ACOT11: variants seen among roughly 807,000 people sequenced by gnomAD.
The protein encoded by ACOT11 is acyl-CoA thioesterase 11.
ACOT11 carries 69 observed loss-of-function variants against 77.5 expected under a neutral mutation model. The observed-to-expected ratio is 0.89, with a 90% CI of 0.73 to 1.09. ACOT11 has a LOEUF of 1.09. Ranked by LOEUF, ACOT11 falls within the 50% of genes least tolerant of loss-of-function variation. The pLI is 0.00. For synonymous variants in ACOT11, 279 were observed against 313.0 expected, an observed-to-expected ratio of 0.89 and a Z score of 1.15; for missense variants, 766 against 813.7, an observed-to-expected ratio of 0.94 and a Z score of 0.71.
intron 4 of ACOT11, among the ~76,000 whole-genome samples, chr1:54,593,547 G>C (rs910974363): frequency 2.1e-5 from 3 of 142,514 alleles, no homozygotes; most frequent in African/African-American, 7.8e-5. Flanking sequence ...TGATCCTCCC[G>C]CTGCAGCCTC....
At chr1:54,629,298 T>C (rs990446147) in intron 15 of ACOT11, among the ~76,000 whole-genome samples, 4 of 132,992 alleles carry the variant, frequency 3.0e-5, no homozygotes, top group African/African-American at 1.0e-4. Context: ...TTTTTGTTTT[T>C]TGTTTTGAGA....
At chr1:54,618,847 T>C (rs981584826) in intron 15 of ACOT11, among the ~76,000 whole-genome samples, 1 of 152,196 alleles carries the variant, frequency 6.6e-6, no homozygotes, top group Admixed American at 6.5e-5. Context: ...ATTTGATCTT[T>C]TTTTGCCTGT....
rs770712371 is a variant in ACOT11, at chr1:54,609,925, G to A, written c.*813G>A. ...TTCCCTCGAGGCCAGTGTTCAGCAGGATCATGCCTTCTGTGTCTGGAAGAG... is the reference window on the plus strand; with the variant it reads ...TTCCCTCGAGGCCAGTGTTCAGCAGAATCATGCCTTCTGTGTCTGGAAGAG... On this transcript the variant is annotated 3_prime_UTR_variant, in exon 16 of 16. Coordinates refer to ENST00000343744, the MANE Select transcript of ACOT11 (RefSeq NM_147161.4). The A allele has an allele frequency of 1.9e-5, 31 of 1,605,974 alleles. No homozygotes were observed. Among genetic ancestry groups the A allele is most frequent in the African/African-American group, 4.0e-5 (3 of 74,942 alleles).
chr1:54,608,064 C>T lies in ACOT11; in HGVS notation c.1625C>T (p.Thr542Ile), dbSNP rs1192921510. Residue 542 changes from threonine to isoleucine, a missense_variant, in exon 15 of 16, where the codon ACC (threonine) becomes ATC (isoleucine). Thr to Ile is a moderately conservative substitution (Grantham distance 89). Transcript: ENST00000343744. ...CTCTGGCGCGAGGGGGACCAGCTGA[C>T]CAAGGTGAGGCCGGTCCCCCCAACC... ...FCLWREGDQL[T>I]KVSYYNQATP... 6.2e-7 allele frequency: 1 copy of T among 1,610,348 alleles called. No individual in the cohort carries two copies. The highest frequency in any genetic ancestry group is 8.5e-7 in the Non-Finnish European group (1 of 1,178,564).
chr1:54,594,259 G>A (rs927479820), intron 5 of ACOT11, among the ~76,000 whole-genome samples: 1 of 152,000 alleles, frequency 6.6e-6, no homozygotes, highest in Non-Finnish European at 1.5e-5. Context: ...CTTCTCCAGC[G>A]AAGATTCTTC....
rs1652968971 is a variant in ACOT11, at chr1:54,548,914, T to G, written c.33+572T>G. On this transcript the variant is annotated intron_variant, in intron 1 of 15. Transcript: ENST00000343744. ...TTTCCCTGCGCTTTGGAGCTGAGAT[T>G]AGTTGCTGAGGCACACGGCAGACCC... is the stretch of plus-strand genomic sequence containing the variant. 2.0e-5 allele frequency among the ~76,000 whole-genome samples: 3 copies of G among 152,226 alleles called. No individual in the cohort carries two copies. In the South Asian group the frequency reaches 6.2e-4, roughly 32 times the overall value.
chr1:54,607,200 C>A lies in ACOT11; in HGVS notation c.1437C>A (p.Leu479=). The A allele has an allele frequency of 1.9e-6, 3 of 1,614,200 alleles. No homozygotes were observed. The highest frequency in any genetic ancestry group is 2.5e-6 in the Non-Finnish European group (3 of 1,180,036). The part of the protein sequence containing the change: ...DAIYHVTSPA[L]GGHTKPQDFV... Reference sequence around the variant, plus strand: ...TCTACCACGTCACCAGCCCTGCCCTCGGAGGTCACACAAAGCCCCAGGACT... The same window carrying A: ...TCTACCACGTCACCAGCCCTGCCCTAGGAGGTCACACAAAGCCCCAGGACT... Residue 479 remains leucine, a synonymous_variant, in exon 14 of 16, where the codon CTC becomes CTA. Coordinates refer to ENST00000343744, the MANE Select transcript of ACOT11 (RefSeq NM_147161.4). The surrounding 1 kb of genome is among the most constrained non-coding windows in gnomAD (Gnocchi z 4.5).
chr1:54,597,810 C>T (rs906772559), intron 7 of ACOT11: 12 of 200,956 alleles, frequency 6.0e-5, no homozygotes, highest in East Asian at 1.4e-4. Flanking sequence ...AGCCTCCTGC[C>T]GTGCTTCCCC....
At chr1:54,549,751 G>A (rs1476363283) in intron 1 of ACOT11, among the ~76,000 whole-genome samples, 8 of 152,236 alleles carry the variant, frequency 5.3e-5, no homozygotes, top group Non-Finnish European at 1.0e-4. Context: ...AATGAATGGG[G>A]ACAGGCAGCT....
exon 17 of ACOT11, chr1:54,634,964 G>A: frequency 2.0e-6 from 1 of 492,560 alleles, no homozygotes; most frequent in East Asian, 3.2e-5. Context: ...AGCTATGATA[G>A]CAGTTATCAC....
chr1:54,612,843 G>T, downstream of ACOT11: 1 of 662,326 alleles, frequency 1.5e-6, no homozygotes, highest in African/African-American at 1.8e-5. Context: ...GAGTCCCAAA[G>T]GACAGAATGG....
intron 1 of ACOT11, among the ~76,000 whole-genome samples, chr1:54,556,172 T>C (rs970903455): frequency 2.0e-4 from 30 of 152,232 alleles, no homozygotes; most frequent in African/African-American, 9.6e-5. Flanking sequence ...GGCACCTTTG[T>C]TGAAAATCAG....
intron 6 of ACOT11, among the ~76,000 whole-genome samples, chr1:54,595,001 T>C (rs1654849247): frequency 6.6e-6 from 1 of 152,222 alleles, no homozygotes; most frequent in Admixed American, 6.5e-5. Context: ...GAGCTATAAC[T>C]TGAAGACTGT....
chr1:54,603,940 A>C lies in ACOT11; in HGVS notation c.1152+3A>C. 6.2e-7 allele frequency: 1 copy of C among 1,613,712 alleles called. No homozygotes were observed. Among genetic ancestry groups the C allele is most frequent in the Non-Finnish European group, 8.5e-7 (1 of 1,179,680 alleles). Reference sequence around the variant, plus strand: ...TCCCCTGGGACCCTAGCAACCAGGTAAGGCTCTCTGCTCCGAGAGGACAGT... The same window carrying C: ...TCCCCTGGGACCCTAGCAACCAGGTCAGGCTCTCTGCTCCGAGAGGACAGT... On this transcript the variant is annotated splice_donor_region_variant and intron_variant, in intron 11 of 15. Transcript: ENST00000343744.
At chr1:54,630,960 A>G (rs1644296572) in intron 16 of ACOT11, 1 of 558,022 alleles carries the variant, frequency 1.8e-6, no homozygotes, top group Non-Finnish European at 3.3e-6. Context: ...GTTTCACCTT[A>G]GAACTTTTTC....
At chr1:54,618,368 G>T (rs901921542) in intron 15 of ACOT11, among the ~76,000 whole-genome samples, 5 of 152,128 alleles carry the variant, frequency 3.3e-5, no homozygotes, top group African/African-American at 1.2e-4. Context: ...GCCAGGCATG[G>T]TAGTGGGTTC....
intron 1 of ACOT11, among the ~76,000 whole-genome samples, chr1:54,576,078 G>C (rs896297909): frequency 1.3e-5 from 2 of 152,194 alleles, no homozygotes; most frequent in Non-Finnish European, 2.9e-5. Context: ...TCTCAGACTG[G>C]GGTTTTTAAG....
chr1:54,620,471 C>T (rs533932837), intron 15 of ACOT11, among the ~76,000 whole-genome samples: 6 of 152,140 alleles, frequency 3.9e-5, no homozygotes, highest in South Asian at 2.1e-4. Flanking sequence ...TTTGGGAGGC[C>T]GAGGTGGGTG....
Position 54,601,496 on chromosome 1 carries a change from C to T in ACOT11, c.1029+83C>T, listed in dbSNP as rs2101000132. The T allele has an allele frequency of 7.7e-6, 12 of 1,553,512 alleles. No homozygotes were observed. The South Asian group carries it at 1.3e-4, about 17-fold the overall frequency. ...TGGCATGGTGGAGACTGCCAGCCCC[C>T]TACAGACCTAGAGGCGTGAGGGGCC... On this transcript the variant is annotated intron_variant, in intron 9 of 15. Coordinates refer to ENST00000343744, the MANE Select transcript of ACOT11 (RefSeq NM_147161.4).
Sources: allele counts gnomAD v4.1 joint callset (sites outside exome capture counted in the v4.1 genomes callset), GRCh38; gene constraint gnomAD v4.1.1; non-coding constraint Gnocchi (gnomAD v3.1); transcripts MANE v1.5; gene names NCBI Gene and HGNC (gene_info 2026-07-23, HGNC 2026-07-21).